The following PLCL2 variants were observed in gnomAD, a reference collection of about 807,000 sequenced individuals.
The protein encoded by PLCL2 is phospholipase C like 2, also known as inactive phospholipase C-like protein 2.
A neutral mutation model predicts 79.6 loss-of-function variants in PLCL2; 4 were observed. That is an observed-to-expected ratio of 0.05 (90% CI 0.02 to 0.11). The LOEUF (loss-of-function observed/expected upper bound fraction) is 0.11. PLCL2 is among the 10% of genes least tolerant of loss of function. The pLI is 1.00. For synonymous variants in PLCL2, 484 were observed against 457.7 expected (o/e 1.06, Z -0.73); for missense variants, 895 against 1,291.0 (o/e 0.69, Z 4.70).
chr3:16,945,121 ACT>A (rs1046330001), intron 1 of PLCL2, among the ~76,000 whole-genome samples: 26 of 152,028 alleles, frequency 1.7e-4, no homozygotes, highest in African/African-American at 6.0e-4. Flanking sequence ...TGCCTGGAAC[ACT>A]CTTCCTGCAG....
intron 3 of PLCL2, among the ~76,000 whole-genome samples, chr3:17,027,768 A>G (rs2064533907): frequency 6.6e-6 from 1 of 151,998 alleles, no homozygotes; most frequent in Non-Finnish European, 1.5e-5. Flanking sequence ...TTGCCTGAGC[A>G]CTCCTCTGCT....
rs932428093 is a variant in PLCL2, at chr3:16,943,975, G to T, written c.327+58609G>T. 4.6e-5 allele frequency among the ~76,000 whole-genome samples: 7 copies of T among 152,098 alleles called. No individual in the cohort carries two copies. The South Asian group carries it at 8.3e-4, about 18-fold the overall frequency. On this transcript the variant is annotated intron_variant, in intron 1 of 5. Coordinates refer to ENST00000615277, the MANE Select transcript of PLCL2 (RefSeq NM_001144382.2). ...TTAAGGTCACTTTTTATTACATATG[G>T]TTTCATGCCTTCAACTCATAGCTTT...
At chr3:16,961,391 AC>A (rs2063753511) in intron 1 of PLCL2, among the ~76,000 whole-genome samples, 1 of 152,242 alleles carries the variant, frequency 6.6e-6, no homozygotes, top group Non-Finnish European at 1.5e-5. Context: ...AGCTTAGTCT[AC>A]CGATAGAGAC....
intron 3 of PLCL2, among the ~76,000 whole-genome samples, chr3:17,019,494 C>A (rs2064424134): frequency 6.6e-6 from 1 of 152,140 alleles, no homozygotes; most frequent in African/African-American, 2.4e-5. Flanking sequence ...CAATCCAGAT[C>A]AGAAAAATTA....
chr3:17,008,657 G>A (rs866709609), intron 1 of PLCL2, among the ~76,000 whole-genome samples: 3 of 152,132 alleles, frequency 2.0e-5, no homozygotes, highest in Middle Eastern at 6.8e-3. Context: ...CGTAGAAACA[G>A]GGCCTGTTTC....
intron 3 of PLCL2, among the ~76,000 whole-genome samples, chr3:17,041,872 A>G (rs1207477107): frequency 6.6e-6 from 1 of 152,148 alleles, no homozygotes; most frequent in East Asian, 1.9e-4. Context: ...TGTGCCTAGG[A>G]GTTGGAGAGT....
chr3:16,919,421 A>G (rs887922875), intron 1 of PLCL2, among the ~76,000 whole-genome samples: 1 of 152,076 alleles, frequency 6.6e-6, no homozygotes, highest in Non-Finnish European at 1.5e-5. Context: ...TTTACTGATC[A>G]GGTATGCCAG....
At chr3:16,942,700 C>G (rs946688627) in intron 1 of PLCL2, among the ~76,000 whole-genome samples, 1 of 152,164 alleles carries the variant, frequency 6.6e-6, no homozygotes, top group Admixed American at 6.5e-5. Context: ...TTCACTGCTA[C>G]TATGCCTTTT....
At chr3:16,967,649 AT>A (rs1208597077) in intron 1 of PLCL2, among the ~76,000 whole-genome samples, 2 of 152,038 alleles carry the variant, frequency 1.3e-5, no homozygotes, top group Non-Finnish European at 2.9e-5. Flanking sequence ...TTCCTTATAG[AT>A]TCTTGATACT....
At chr3:17,042,096 G>GGT (rs1450549248) in intron 3 of PLCL2, among the ~76,000 whole-genome samples, 1 of 152,092 alleles carries the variant, frequency 6.6e-6, no homozygotes, top group African/African-American at 2.4e-5. Context: ...TTTATACTAA[G>GGT]GTAGATATCA....
chr3:17,021,892 A>C (rs2124900396), intron 3 of PLCL2, among the ~76,000 whole-genome samples: 1 of 152,276 alleles, frequency 6.6e-6, no homozygotes, highest in South Asian at 2.1e-4. Context: ...TAAAATTGCA[A>C]AGTAAGCAAG....
chr3:17,034,013 C>A (rs1412825457), intron 3 of PLCL2, among the ~76,000 whole-genome samples: 1 of 152,116 alleles, frequency 6.6e-6, no homozygotes, highest in Non-Finnish European at 1.5e-5. Context: ...GCAGTTACAG[C>A]CGATCCTTGA....
chr3:16,906,768 C>A lies in PLCL2; in HGVS notation c.327+21402C>A, dbSNP rs556372102. ...GATTCTGAGAAGTTTTCTATGAATT[C>A]TTTGAGTAAAAATCTATTTTAAAAG... On this transcript the variant is annotated intron_variant, in intron 1 of 5. Transcript: ENST00000615277. Among the ~76,000 whole-genome samples, 61 of 152,184 alleles carry A rather than the reference C, an allele frequency of 4.0e-4. 2 individuals carry two copies. The South Asian group carries it at 0.01, about 25-fold the overall frequency.
intron 5 of PLCL2, among the ~76,000 whole-genome samples, chr3:17,082,425 C>T (rs143624293): frequency 1.5e-3 from 234 of 152,190 alleles, no homozygotes; most frequent in African/African-American, 4.5e-3. Context: ...AGCCACCGCG[C>T]CTGGCCAGAA....
intron 4 of PLCL2, among the ~76,000 whole-genome samples, chr3:17,051,982 T>A (rs1159467894): frequency 6.6e-6 from 1 of 152,016 alleles, no homozygotes; most frequent in Admixed American, 6.6e-5. Flanking sequence ...CATAAGTACC[T>A]TTAAGGCTCA....
rs17043073 is a variant in PLCL2 at position 17,081,555 on chromosome 3, C to G, written c.3205-8178C>G. 1,167 of 215,014 alleles carry G rather than the reference C, an allele frequency of 5.4e-3. 17 individuals carry two copies. Among genetic ancestry groups the G allele is most frequent in the African/African-American group, 0.026 (1,111 of 42,998 alleles). The allele number at this position is 215,014 out of a possible 1,614,324, so 13.3% of individuals were successfully genotyped here. A position where few individuals can be genotyped will look rare whatever the true frequency, so the allele number is the denominator to read the frequency against. ...AATGACTTGTGATTGTTAAATGGCT[C>G]CTAAAATGTAGCACTAACAGATGTG... On this transcript the variant is annotated intron_variant, in intron 5 of 5. Coordinates refer to ENST00000615277, the MANE Select transcript of PLCL2 (RefSeq NM_001144382.2).
Position 16,979,491 on chromosome 3 carries a change from G to T in PLCL2, c.328-30183G>T, listed in dbSNP as rs1474815976. 8.8e-5 allele frequency among the ~76,000 whole-genome samples: 8 copies of T among 91,116 alleles called. 4 individuals carry two copies. The highest frequency in any genetic ancestry group is 3.8e-4 in the African/African-American group (8 of 20,994). 59.8% of individuals were successfully genotyped at this position (91,116 alleles called of 152,430 possible). Reference sequence around the variant, plus strand: ...TAGGCAGAGGACCCTGTGGCCTTCCGCAGTGTTTGTGTCCCTGATTACTTG... The same window carrying T: ...TAGGCAGAGGACCCTGTGGCCTTCCTCAGTGTTTGTGTCCCTGATTACTTG... On this transcript the variant is annotated intron_variant, in intron 1 of 5. Transcript: ENST00000615277.
chr3:17,064,291 C>T (rs1345248181), intron 4 of PLCL2, among the ~76,000 whole-genome samples: 1 of 152,128 alleles, frequency 6.6e-6, no homozygotes, highest in Non-Finnish European at 1.5e-5. Flanking sequence ...CAGACTGATC[C>T]AGTTCAAATG....
intron 1 of PLCL2, among the ~76,000 whole-genome samples, chr3:17,004,313 G>A (rs2064239482): frequency 6.6e-6 from 1 of 151,930 alleles, no homozygotes; most frequent in Non-Finnish European, 1.5e-5. Flanking sequence ...TCACCCATAG[G>A]CTCCTAAGAT....
Sources: gnomAD v4.1 joint callset for allele counts (sites outside exome capture counted in the v4.1 genomes callset) on GRCh38, gnomAD v4.1.1 for gene constraint, MANE v1.5 for transcripts, NCBI Gene and HGNC (gene_info 2026-07-23, HGNC 2026-07-21) for gene names.